Variants in CNTLN observed in about 807,000 individuals in gnomAD.
CNTLN encodes the protein centlein, centrosomal protein.
In CNTLN, 212 loss-of-function variants were observed where a neutral mutation model predicts 180.0. The observed-to-expected ratio is 1.18, with a 90% CI of 1.05 to 1.32. CNTLN has a LOEUF of 1.32. Ranked by LOEUF, CNTLN falls within the 40% of genes most tolerant of loss-of-function variation. The pLI, the probability that CNTLN is intolerant of heterozygous loss-of-function variation, is 0.00. For synonymous variants in CNTLN, 722 were observed against 563.1 expected (o/e 1.28, Z -3.99); for missense variants, 2,095 against 1,610.9 (o/e 1.30, Z -5.14).
chr9:17,203,125 G>C (rs944253398), intron 2 of CNTLN, among the ~76,000 whole-genome samples: 2 of 152,090 alleles, frequency 1.3e-5, no homozygotes, highest in East Asian at 1.9e-4. Flanking sequence ...TGAAATTCTG[G>C]TTGAAAATTA....
intron 12 of CNTLN, among the ~76,000 whole-genome samples, chr9:17,363,981 A>C (rs1823606130): frequency 6.6e-6 from 1 of 152,108 alleles, no homozygotes; most frequent in East Asian, 1.9e-4. Flanking sequence ...CTCTGCTGTT[A>C]TTCCAGAGAT....
intron 8 of CNTLN, among the ~76,000 whole-genome samples, chr9:17,323,100 C>T (rs1013369475): frequency 2.0e-5 from 3 of 151,936 alleles, no homozygotes; most frequent in African/African-American, 7.3e-5. Flanking sequence ...ATGCCATATG[C>T]TTTAACTGTT....
At chr9:17,375,824 A>G (rs1824713710) in intron 13 of CNTLN, among the ~76,000 whole-genome samples, 1 of 152,158 alleles carries the variant, frequency 6.6e-6, no homozygotes, top group Non-Finnish European at 1.5e-5. Context: ...TCACTGCTCA[A>G]ATTGCAAGAG....
chr9:17,219,557 G>T (rs917128570), intron 2 of CNTLN, among the ~76,000 whole-genome samples: 1 of 151,876 alleles, frequency 6.6e-6, no homozygotes. Flanking sequence ...TTGGTTATAA[G>T]ATATACCATT....
At chr9:17,268,016 T>G (rs1827621448) in intron 5 of CNTLN, among the ~76,000 whole-genome samples, 1 of 152,186 alleles carries the variant, frequency 6.6e-6, no homozygotes, top group South Asian at 2.1e-4. Flanking sequence ...TTTGACTGTT[T>G]GAAGCCTTCT....
chr9:17,395,466 C>A (rs1826447014), intron 15 of CNTLN, among the ~76,000 whole-genome samples: 1 of 152,128 alleles, frequency 6.6e-6, no homozygotes, highest in Admixed American at 6.6e-5. Context: ...TTGTGACATA[C>A]CAACCTGGGA....
At chr9:17,194,807 G>A (rs1822019327) in intron 2 of CNTLN, among the ~76,000 whole-genome samples, 1 of 152,158 alleles carries the variant, frequency 6.6e-6, no homozygotes, top group African/African-American at 2.4e-5. Flanking sequence ...CTGAGACTGG[G>A]AAGAAAAAGA....
At chr9:17,205,124 C>T (rs1487580687) in intron 2 of CNTLN, among the ~76,000 whole-genome samples, 3 of 152,058 alleles carry the variant, frequency 2.0e-5, no homozygotes, top group East Asian at 1.9e-4. Flanking sequence ...TGCTGGGCTC[C>T]GTGGGAGTGG....
chr9:17,311,055 G>C (rs2132931795), intron 8 of CNTLN, among the ~76,000 whole-genome samples: 1 of 151,246 alleles, frequency 6.6e-6, no homozygotes, highest in African/African-American at 2.4e-5. Flanking sequence ...ACAGAGTTTT[G>C]CTTTTGTTGT....
At chr9:17,413,163 A>G (rs1414474898) in intron 16 of CNTLN, among the ~76,000 whole-genome samples, 1 of 152,076 alleles carries the variant, frequency 6.6e-6, no homozygotes, top group Non-Finnish European at 1.5e-5. Flanking sequence ...GTGCAAAGGA[A>G]GGATAATCCT....
At chr9:17,153,112 A>T (rs150515812) in intron 2 of CNTLN, among the ~76,000 whole-genome samples, 2 of 152,260 alleles carry the variant, frequency 1.3e-5, no homozygotes, top group East Asian at 3.9e-4. Context: ...TCTTTATCCA[A>T]TTTGGCAGTC....
intron 13 of CNTLN, among the ~76,000 whole-genome samples, chr9:17,383,372 G>A (rs1825412770): frequency 6.6e-6 from 1 of 151,666 alleles, no homozygotes; most frequent in African/African-American, 2.4e-5. Context: ...AAAAAAGTTG[G>A]GTGTGGTGGC....
chr9:17,160,911 C>T (rs569255732), intron 2 of CNTLN, among the ~76,000 whole-genome samples: 2 of 152,074 alleles, frequency 1.3e-5, no homozygotes, highest in Admixed American at 6.5e-5. Flanking sequence ...AATTGAATGT[C>T]ATTTGATTGT....
intron 6 of CNTLN, among the ~76,000 whole-genome samples, chr9:17,294,801 TGGGGGGGAGTGGGCGAAGGGGGGAGGGC>T (rs1817702175): frequency 2.0e-4 from 1 of 4,974 alleles, no homozygotes; most frequent in Non-Finnish European, 3.7e-4. Flanking sequence ...GGGGGGAGGG[TGGGGGGGAGTGGGCGAAGGGGGGAGGGC>T]GGGGAGGAGG....
intron 2 of CNTLN, among the ~76,000 whole-genome samples, chr9:17,223,511 G>A (rs1413825048): frequency 1.3e-5 from 2 of 151,964 alleles, no homozygotes; most frequent in East Asian, 3.9e-4. Context: ...TCTTCCAGTT[G>A]TGTAGGCAAA....
At chr9:17,166,187 G>A (rs571141007) in intron 2 of CNTLN, among the ~76,000 whole-genome samples, 1 of 152,196 alleles carries the variant, frequency 6.6e-6, no homozygotes, top group East Asian at 1.9e-4. Flanking sequence ...TTTGGTGGAT[G>A]TGAAACATGA....
intron 22 of CNTLN, 81 bp from the exon 23 acceptor site, chr9:17,466,625 T>G: frequency 9.4e-7 from 1 of 1,065,542 alleles, no homozygotes; most frequent in Non-Finnish European, 1.4e-6. Flanking sequence ...TAAAATATTT[T>G]CCTTATTTGA....
At position 17,503,767 on chromosome 9, in the gene CNTLN, G is replaced by T. The variant is rs1442532637; in HGVS notation, c.*1115G>T. The T allele has an allele frequency of 6.6e-6, 1 of 152,614 alleles. No individual in the cohort carries two copies. The highest frequency in any genetic ancestry group is 2.4e-5 in the African/African-American group (1 of 41,446). The allele number at this position is 152,614 out of a possible 1,614,324, so 9.5% of individuals were successfully genotyped here. On this transcript the variant is annotated 3_prime_UTR_variant, in exon 26 of 26. Transcript: ENST00000380647. ...GATTATAGCCTGCAGGGCGAATCTG[G>T]CCTGCCACCTGTTTTGTATGGCCCA...
intron 23 of CNTLN, among the ~76,000 whole-genome samples, chr9:17,480,907 G>A (rs911537441): frequency 5.3e-5 from 8 of 152,182 alleles, no homozygotes; most frequent in East Asian, 1.9e-4. Context: ...TAATCAAGGA[G>A]AAGTACATAG....
Sources: allele counts gnomAD v4.1 joint callset (sites outside exome capture counted in the v4.1 genomes callset), GRCh38; gene constraint gnomAD v4.1.1; transcripts MANE v1.5; gene names NCBI Gene and HGNC (gene_info 2026-07-23, HGNC 2026-07-21).